TMPRSS11A: variants seen among roughly 807,000 people sequenced by gnomAD.
TMPRSS11A encodes the protein transmembrane protease serine 11A.
Under a neutral mutation model 58.9 loss-of-function variants are expected in TMPRSS11A, and 53 were observed. The ratio of observed to expected loss-of-function variants is 0.90; its 90% CI spans 0.72 to 1.13. The LOEUF (loss-of-function observed/expected upper bound fraction) is 1.13. TMPRSS11A is among the 50% of genes most tolerant of loss of function. TMPRSS11A has a pLI of 0.00. For synonymous variants in TMPRSS11A, 167 were observed against 169.8 expected, an observed-to-expected ratio of 0.98 and a Z score of 0.13; for missense variants, 493 against 499.3, an observed-to-expected ratio of 0.99 and a Z score of 0.12.
At chr4:67,921,349 T>G (rs1235050442) in intron 7 of TMPRSS11A, among the ~76,000 whole-genome samples, 2 of 152,208 alleles carry the variant, frequency 1.3e-5, no homozygotes, top group Non-Finnish European at 2.9e-5. Context: ...TTACTATTTT[T>G]TTAAGATGGG....
rs139224651 is a variant in TMPRSS11A at position 67,952,996 on chromosome 4, G to C, written c.12-6425C>G. Among the ~76,000 whole-genome samples the C allele has an allele frequency of 9.3e-4, 142 of 152,240 alleles. 1 individual carries two copies. Among genetic ancestry groups the C allele is most frequent in the African/African-American group, 3.2e-3 (134 of 41,544 alleles). On this transcript the variant is annotated intron_variant, in intron 1 of 9. Transcript: ENST00000508048. The stretch of plus-strand genomic sequence containing the variant: ...GTTTTCCATGGACAGGGGTAGGGGG[G>C]GTGGTTTGGTAATGAAATTGTTCCA...
Position 67,911,253 on chromosome 4 carries a change from C to T in TMPRSS11A, c.*89G>A. On this transcript the variant is annotated 3_prime_UTR_variant, in exon 10 of 10. Coordinates refer to ENST00000508048, the MANE Select transcript of TMPRSS11A (RefSeq NM_001114387.2). ...GTTACTAGATCCAGTAATTTAATAT[C>T]ACTTTGTTGTACTACACCCACTAAA... The T allele has an allele frequency of 8.8e-7, 1 of 1,138,274 alleles. No individual in the cohort carries two copies. Among genetic ancestry groups the T allele is most frequent in the Non-Finnish European group, 1.2e-6 (1 of 807,652 alleles). The allele number at this position is 1,138,274 out of a possible 1,614,324, so 70.5% of individuals were successfully genotyped here.
At chr4:67,933,955 ACAT>A in intron 3 of TMPRSS11A, among the ~76,000 whole-genome samples, 2 of 152,288 alleles carry the variant, frequency 1.3e-5, no homozygotes, top group Middle Eastern at 6.8e-3. Flanking sequence ...ACTCTGGATG[ACAT>A]CATCAATCTG....
At chr4:67,955,156 T>C (rs1299227117) in intron 1 of TMPRSS11A, among the ~76,000 whole-genome samples, 1 of 152,156 alleles carries the variant, frequency 6.6e-6, no homozygotes, top group East Asian at 1.9e-4. Context: ...CAGAACATTA[T>C]TAATGCAACA....
intron 8 of TMPRSS11A, among the ~76,000 whole-genome samples, chr4:67,918,561 T>C (rs1288876501): frequency 6.6e-6 from 1 of 152,208 alleles, no homozygotes; most frequent in Admixed American, 6.5e-5. Flanking sequence ...TTCCTTTCTA[T>C]GTATTTTTTC....
chr4:67,957,945 T>C (rs1721326848), intron 1 of TMPRSS11A, among the ~76,000 whole-genome samples: 1 of 152,140 alleles, frequency 6.6e-6, no homozygotes, highest in Admixed American at 6.5e-5. Context: ...AAGCTACAGC[T>C]TGGGTCATGG....
Position 67,919,190 on chromosome 4 carries a change from T to C in TMPRSS11A, c.735A>G (p.Lys245=), listed in dbSNP as rs1720251414. The C allele has an allele frequency of 6.2e-7, 1 of 1,614,076 alleles. No homozygotes were observed. Among genetic ancestry groups the C allele is most frequent in the South Asian group, 1.1e-5 (1 of 91,092 alleles). ...TTCTTTTCATTAAGGGAGGGTTGAT[T>C]TTTGTTCCAAAACTAACAGTCCATT... The part of the protein sequence containing the change: ...PHQWTVSFGT[K]INPPLMKRNV... Residue 245 remains lysine (K), a synonymous_variant, in exon 8 of 10, where the codon AAA becomes AAG. Transcript: ENST00000508048.
rs1420415889 is a variant in TMPRSS11A, at chr4:67,944,652, A to C, written c.134-15T>G. 5 of 1,602,640 alleles carry C rather than the reference A, an allele frequency of 3.1e-6. No individual in the cohort carries two copies. Among genetic ancestry groups the C allele is most frequent in the Non-Finnish European group, 3.4e-6 (4 of 1,175,844 alleles). Reference sequence around the variant, plus strand: ...CTTTTTTTGGTCTGCAATGGAAATGAAAAATAGGAAACTAAATGGTTTGGA... The same window carrying C: ...CTTTTTTTGGTCTGCAATGGAAATGCAAAATAGGAAACTAAATGGTTTGGA... On this transcript the variant is annotated splice_polypyrimidine_tract_variant and intron_variant, in intron 2 of 9. Coordinates refer to ENST00000508048, the MANE Select transcript of TMPRSS11A (RefSeq NM_001114387.2).
chr4:67,923,830 G>A (rs921531415), intron 6 of TMPRSS11A, among the ~76,000 whole-genome samples: 1 of 152,092 alleles, frequency 6.6e-6, no homozygotes, highest in Non-Finnish European at 1.5e-5. Flanking sequence ...TTATTTTGTA[G>A]CAGAAAGTAC....
chr4:67,944,549 A>G lies in TMPRSS11A; in HGVS notation c.222T>C (p.Leu74=). The change falls in exon 3 of 10, where the codon CTT becomes CTC. Residue 74 remains leucine, a synonymous_variant. Coordinates refer to ENST00000508048, the MANE Select transcript of TMPRSS11A (RefSeq NM_001114387.2). ...TTTCGGTCGTCTCTCGTAAGTCCTTAAGTTGATATGTGTTGCTTTGTCCGA... is the reference window on the plus strand; with the variant it reads ...TTTCGGTCGTCTCTCGTAAGTCCTTGAGTTGATATGTGTTGCTTTGTCCGA... ...NNFGQSNTYQ[L]KDLRETTENL... is the part of the protein sequence containing the mutation. 1 of 1,612,978 alleles carries G rather than the reference A, an allele frequency of 6.2e-7. No individual in the cohort carries two copies. Among genetic ancestry groups the G allele is most frequent in the Non-Finnish European group, 8.5e-7 (1 of 1,179,262 alleles).
intron 1 of TMPRSS11A, among the ~76,000 whole-genome samples, chr4:67,947,515 C>A (rs186151230): frequency 3.9e-5 from 6 of 152,222 alleles, no homozygotes; most frequent in Admixed American, 2.6e-4. Flanking sequence ...TCTTTTATAT[C>A]CCTCATTTCC....
chr4:67,938,417 C>T (rs1445534530), intron 3 of TMPRSS11A, among the ~76,000 whole-genome samples: 2 of 152,120 alleles, frequency 1.3e-5, no homozygotes, highest in Admixed American at 1.3e-4. Flanking sequence ...TTAATTAGGT[C>T]CAACTTATCA....
At chr4:67,932,930 T>A (rs553042051) in intron 3 of TMPRSS11A, among the ~76,000 whole-genome samples, 1 of 152,246 alleles carries the variant, frequency 6.6e-6, no homozygotes, top group South Asian at 2.1e-4. Context: ...GATGCTGTGG[T>A]CTCTCACACC....
intron 3 of TMPRSS11A, among the ~76,000 whole-genome samples, chr4:67,942,518 G>A (rs779392620): frequency 5.5e-4 from 83 of 152,254 alleles, no homozygotes; most frequent in Admixed American, 2.0e-3. Flanking sequence ...AGAAATAATT[G>A]TTTGTTGTTT....
chr4:67,925,643 G>T (rs988484974), intron 5 of TMPRSS11A, among the ~76,000 whole-genome samples: 2 of 152,136 alleles, frequency 1.3e-5, no homozygotes, highest in African/African-American at 4.8e-5. Flanking sequence ...GCTGTTAGTG[G>T]TTATTCTATG....
intron 3 of TMPRSS11A, among the ~76,000 whole-genome samples, chr4:67,933,104 AACACACACAC>A (rs34906854): frequency 4.0e-5 from 6 of 150,272 alleles, no homozygotes; most frequent in African/African-American, 1.2e-4. Context: ...GCATGACTGA[AACACACACAC>A]ACACACACAC....
intron 3 of TMPRSS11A, among the ~76,000 whole-genome samples, chr4:67,934,935 A>C (rs1720716071): frequency 6.6e-6 from 1 of 152,186 alleles, no homozygotes; most frequent in South Asian, 2.1e-4. Flanking sequence ...GGCATATGGA[A>C]TATAAATGAG....
chr4:67,961,483 C>CTTTTTTTTTTTTTTTTTT lies in TMPRSS11A; in HGVS notation c.11+1882_11+1899dup. On this transcript the variant is annotated intron_variant, in intron 1 of 9. Coordinates refer to ENST00000508048, the MANE Select transcript of TMPRSS11A (RefSeq NM_001114387.2). The stretch of plus-strand genomic sequence containing the variant: ...TTTTCTTTCCTTTCCTTTTCTTTTC[C>CTTTTTTTTTTTTTTTTTT]TTTTTTTTTTTTTTTTTTTTTTTTT... Among the ~76,000 whole-genome samples, 4 of 7,162 alleles carry CTTTTTTTTTTTTTTTTTT rather than the reference C, an allele frequency of 5.6e-4. 1 individual carries two copies. The highest frequency in any genetic ancestry group is 0.014 in the South Asian group (2 of 144). The allele number at this position is 7,162 out of a possible 152,430, so 4.7% of individuals were successfully genotyped here.
At chr4:67,953,365 T>C (rs578035578) in intron 1 of TMPRSS11A, among the ~76,000 whole-genome samples, 3 of 152,302 alleles carry the variant, frequency 2.0e-5, no homozygotes, top group Admixed American at 1.3e-4. Context: ...TTTTAATATA[T>C]CTGATAACTA....
Sources: allele counts gnomAD v4.1 joint callset (sites outside exome capture counted in the v4.1 genomes callset), GRCh38; gene constraint gnomAD v4.1.1; transcripts MANE v1.5; gene names NCBI Gene and HGNC (gene_info 2026-07-23, HGNC 2026-07-21).